Variants in LITAF observed in about 807,000 individuals in gnomAD.
LITAF encodes the protein lipopolysaccharide induced TNF factor.
A neutral mutation model predicts 14.5 loss-of-function variants in LITAF; 9 were observed. The ratio of observed to expected loss-of-function variants is 0.62; its 90% CI spans 0.37 to 1.08. The LOEUF is 1.08. LITAF is among the 50% of genes least tolerant of loss of function. The pLI is 0.01. For missense variants in LITAF, 206 were observed against 213.4 expected, an observed-to-expected ratio of 0.97 and a Z score of 0.22; for synonymous variants, 98 against 88.2, an observed-to-expected ratio of 1.11 and a Z score of -0.62.
chr16:11,556,874 G>T, intron 1 of LITAF, 139 bp from the exon 2 acceptor site: 1 of 775,942 alleles, frequency 1.3e-6, no homozygotes, highest in Admixed American at 2.1e-5. Flanking sequence ...CAAAAGCTAG[G>T]AAGAGGGTTA....
chr16:11,607,937 T>C (rs566387730), intron 3 of LITAF, among the ~76,000 whole-genome samples: 2 of 152,308 alleles, frequency 1.3e-5, no homozygotes, highest in East Asian at 3.9e-4. Flanking sequence ...TAGGACCAAA[T>C]TCCCTCCCAG....
At chr16:11,598,432 A>T (rs920634918) in exon 1 of LITAF, 1 of 152,002 alleles carries the variant, frequency 6.6e-6, no homozygotes, top group African/African-American at 2.4e-5. Context: ...GAACCTCCAT[A>T]TCAGTGTCTG....
At chr16:11,617,630 T>C (rs1597372911) in intron 3 of LITAF, among the ~76,000 whole-genome samples, 1 of 151,664 alleles carries the variant, frequency 6.6e-6, no homozygotes, top group African/African-American at 2.4e-5. Flanking sequence ...TTTCACCATA[T>C]TGGCCAGACT....
intron 1 of LITAF, chr16:11,584,269 G>A (rs867161001): frequency 6.6e-6 from 1 of 151,118 alleles, no homozygotes; most frequent in South Asian, 2.1e-4. Flanking sequence ...ACAGTGCCAA[G>A]AATACAGGAC....
At chr16:11,609,619 G>T (rs2064972250) in intron 3 of LITAF, among the ~76,000 whole-genome samples, 1 of 152,198 alleles carries the variant, frequency 6.6e-6, no homozygotes, top group Non-Finnish European at 1.5e-5. Flanking sequence ...GATTCAGGCT[G>T]CAGGACTGGC....
At chr16:11,574,253 G>A (rs949346654) in intron 1 of LITAF, among the ~76,000 whole-genome samples, 1 of 151,852 alleles carries the variant, frequency 6.6e-6, no homozygotes, top group Non-Finnish European at 1.5e-5. Flanking sequence ...TGTTGACCAA[G>A]CTTGTCTCAA....
At chr16:11,583,280 G>C (rs561068687) in intron 1 of LITAF, among the ~76,000 whole-genome samples, 41 of 152,260 alleles carry the variant, frequency 2.7e-4, no homozygotes, top group Non-Finnish European at 4.7e-4. Flanking sequence ...CAAGCATGGC[G>C]TAATGACAAA....
chr16:11,598,676 G>C (rs1055427150), upstream of LITAF, among the ~76,000 whole-genome samples: 1 of 151,968 alleles, frequency 6.6e-6, no homozygotes, highest in African/African-American at 2.4e-5. Flanking sequence ...GTTCCCTCTG[G>C]TCTCTTTCGC....
chr16:11,582,339 G>A (rs72779185), intron 1 of LITAF, among the ~76,000 whole-genome samples: 36,200 of 109,224 alleles, frequency 0.33, 5,659 homozygotes, highest in Non-Finnish European at 0.41. Context: ...AAAAAAAAAA[G>A]AACTCCCCAC....
At chr16:11,561,891 A>C (rs1010618749) in intron 1 of LITAF, among the ~76,000 whole-genome samples, 6 of 144,394 alleles carry the variant, frequency 4.2e-5, no homozygotes, top group African/African-American at 1.6e-4. Flanking sequence ...CACACTCTCC[A>C]CAATGTCTTT....
In LITAF at chr16:11,634,631, C is replaced by T. The variant is rs902491134; in HGVS notation, c.-20-994G>A. ...TGCACATGAGGACCATTTTCCATAA[C>T]CCTATGATTGCATCCCCAACCAGTC... On this transcript the variant is annotated intron_variant, in intron 2 of 3. Coordinates refer to the LITAF transcript ENST00000574848. This position sits in a 1 kb window ranked among gnomAD's most constrained non-coding sequence, Gnocchi z 4.1. Among the ~76,000 whole-genome samples the T allele has an allele frequency of 1.3e-5, 2 of 152,174 alleles. No individual in the cohort carries two copies. Among genetic ancestry groups the T allele is most frequent in the African/African-American group, 2.4e-5 (1 of 41,442 alleles).
Position 11,551,710 on chromosome 16 carries a change from T to C in LITAF, c.377+1823A>G, listed in dbSNP as rs769879445. On this transcript the variant is annotated intron_variant, in intron 3 of 3. Transcript: ENST00000622633. ...AGCTAGGTATGGTGGCACACACCTG[T>C]GGTCCCAGGTACTCAGGAGGCTGAG... 3.6e-5 allele frequency: 24 copies of C among 664,262 alleles called. 1 individual carries two copies. The South Asian group carries it at 3.7e-4, about 10-fold the overall frequency. The allele number at this position is 664,262 out of a possible 1,614,324, so 41.1% of individuals were successfully genotyped here. A position where few individuals can be genotyped will look rare whatever the true frequency, so the allele number is the denominator to read the frequency against.
chr16:11,602,504 G>A (rs1053392016), upstream of LITAF, among the ~76,000 whole-genome samples: 1 of 152,186 alleles, frequency 6.6e-6, no homozygotes, highest in East Asian at 1.9e-4. Context: ...TGAACAGCTG[G>A]CCTCGTGTGT....
intron 3 of LITAF, among the ~76,000 whole-genome samples, chr16:11,606,931 G>A (rs766188982): frequency 9.2e-5 from 14 of 152,136 alleles, no homozygotes; most frequent in Admixed American, 7.9e-4. Flanking sequence ...GAGCCACTGC[G>A]CCCGGCCTAC....
At chr16:11,565,516 G>T (rs951890680) in intron 1 of LITAF, among the ~76,000 whole-genome samples, 1 of 152,024 alleles carries the variant, frequency 6.6e-6, no homozygotes, top group African/African-American at 2.4e-5. Context: ...CCAAGTCAAG[G>T]CCTTAAAACT....
intron 3 of LITAF, among the ~76,000 whole-genome samples, chr16:11,618,843 C>T (rs1284495219): frequency 6.6e-6 from 1 of 151,728 alleles, no homozygotes; most frequent in Non-Finnish European, 1.5e-5. Context: ...GTTAGCCGGG[C>T]GTGGTGGTGG....
At chr16:11,636,791 G>T (rs766894034), upstream of LITAF, among the ~76,000 whole-genome samples, 29 of 152,156 alleles carry the variant, frequency 1.9e-4, no homozygotes, top group Non-Finnish European at 3.4e-4. Flanking sequence ...GAAAAGAAAT[G>T]ATGTGGAGGC....
chr16:11,560,786 G>A (rs567265681), intron 1 of LITAF, among the ~76,000 whole-genome samples: 1 of 152,294 alleles, frequency 6.6e-6, no homozygotes, highest in East Asian at 1.9e-4. Flanking sequence ...CACAGAAGCA[G>A]GAGGGCAGGG....
At chr16:11,601,291 C>T (rs542501565), upstream of LITAF, among the ~76,000 whole-genome samples, 18 of 152,094 alleles carry the variant, frequency 1.2e-4, no homozygotes, top group African/African-American at 3.9e-4. Flanking sequence ...GTCATTCCCC[C>T]ACCCAACCCC....
Sources: gnomAD v4.1 joint callset for allele counts (sites outside exome capture counted in the v4.1 genomes callset) on GRCh38, gnomAD v4.1.1 for gene constraint, Gnocchi (gnomAD v3.1) non-coding constraint, MANE v1.5 for transcripts, NCBI Gene and HGNC (gene_info 2026-07-23, HGNC 2026-07-21) for gene names.